The following JAK1 variants were observed in gnomAD, a reference collection of about 807,000 sequenced individuals.
JAK1 encodes Janus kinase 1, also known as tyrosine-protein kinase JAK1.
JAK1 carries 16 observed loss-of-function variants against 136.6 expected under a neutral mutation model. That is an observed-to-expected ratio of 0.12 (90% confidence interval 0.08 to 0.18). The LOEUF is 0.18. JAK1 is among the 10% of genes least tolerant of loss of function. The pLI is 1.00. For synonymous variants in JAK1, 492 were observed against 519.5 expected (o/e 0.95, Z 0.72); for missense variants, 859 against 1,450.1 (o/e 0.59, Z 6.62).
intron 1 of JAK1, among the ~76,000 whole-genome samples, chr1:65,061,310 G>A (rs1647781790): frequency 6.6e-6 from 1 of 152,118 alleles, no homozygotes; most frequent in South Asian, 2.1e-4. Context: ...GCTGAGGTGG[G>A]AGGATTGCTT....
chr1:64,914,442 T>C (rs994245516), intron 1 of JAK1, among the ~76,000 whole-genome samples: 34 of 152,180 alleles, frequency 2.2e-4, no homozygotes, highest in Non-Finnish European at 5.9e-5. Flanking sequence ...GGTTGTAAAG[T>C]CCCAAAACAA....
Position 64,951,006 on chromosome 1 carries a change from A to T in JAK1, c.-78+15327T>A, listed in dbSNP as rs76065478. On this transcript the variant is annotated intron_variant, in intron 1 of 24. Transcript: ENST00000342505. ...CTTAAAAGTATTACAAGATTTTATGATCATTGTGTGCTAATAACCCTTAAA... is the reference window on the plus strand; with the variant it reads ...CTTAAAAGTATTACAAGATTTTATGTTCATTGTGTGCTAATAACCCTTAAA... Among the ~76,000 whole-genome samples, 619 of 152,312 alleles carry T rather than the reference A, an allele frequency of 4.1e-3. 13 individuals are homozygous for T. In the South Asian group the frequency reaches 0.058, roughly 14 times the overall value.
intron 1 of JAK1, among the ~76,000 whole-genome samples, chr1:65,058,037 T>TC (rs1557779502): frequency 6.6e-6 from 1 of 152,190 alleles, no homozygotes; most frequent in East Asian, 1.9e-4. Context: ...GCTTTTTTTT[T>TC]CTCCCTGTAA....
At chr1:64,845,332 C>G (rs1183794962) in intron 15 of JAK1, among the ~76,000 whole-genome samples, 181 bp downstream of exon 15, 1 of 152,168 alleles carries the variant, frequency 6.6e-6, no homozygotes, top group African/African-American at 2.4e-5. Flanking sequence ...GCACAGGGAA[C>G]GGCCCCAAAC....
At chr1:64,926,859 A>G (rs1645591781) in intron 1 of JAK1, among the ~76,000 whole-genome samples, 1 of 152,186 alleles carries the variant, frequency 6.6e-6, no homozygotes, top group African/African-American at 2.4e-5. Context: ...CTGTAAAACA[A>G]TGATCGTAAC....
intron 1 of JAK1, among the ~76,000 whole-genome samples, chr1:64,913,641 G>GAGGAAGGAAGGAAAGAAGGA (rs1276972188): frequency 1.8e-5 from 1 of 56,884 alleles, no homozygotes; most frequent in East Asian, 7.5e-4. Flanking sequence ...GGGAGGAAGG[G>GAGGAAGGAAGGAAAGAAGGA]AGGAAGGAAG....
chr1:65,056,325 C>G (rs1042649032), intron 1 of JAK1, among the ~76,000 whole-genome samples: 1 of 152,188 alleles, frequency 6.6e-6, no homozygotes, highest in South Asian at 2.1e-4. Context: ...GAAAAAATAA[C>G]AGTTCTGGGC....
chr1:65,032,283 C>G (rs1251251348), intron 2 of JAK1, among the ~76,000 whole-genome samples: 1 of 152,074 alleles, frequency 6.6e-6, no homozygotes, highest in African/African-American at 2.4e-5. Context: ...TTCTTTGAAG[C>G]TTTGAATTAT....
At chr1:65,018,678 T>A (rs983993209) in intron 2 of JAK1, among the ~76,000 whole-genome samples, 2 of 152,120 alleles carry the variant, frequency 1.3e-5, no homozygotes, top group African/African-American at 4.8e-5. Context: ...AAAGATATTT[T>A]AAAAACATGA....
intron 2 of JAK1, among the ~76,000 whole-genome samples, chr1:64,885,169 A>T (rs1353960464): frequency 2.0e-5 from 3 of 152,222 alleles, no homozygotes; most frequent in Non-Finnish European, 4.4e-5. Flanking sequence ...TCTTCTGGAA[A>T]CCAGCCTGAA....
intron 2 of JAK1, among the ~76,000 whole-genome samples, chr1:65,018,795 G>T (rs1436442026): frequency 6.6e-6 from 1 of 152,136 alleles, no homozygotes; most frequent in Non-Finnish European, 1.5e-5. Flanking sequence ...CAGATCACGA[G>T]GTCAGGAGAC....
At chr1:64,905,856 A>G (rs901013141) in intron 1 of JAK1, among the ~76,000 whole-genome samples, 12 of 152,172 alleles carry the variant, frequency 7.9e-5, no homozygotes, top group African/African-American at 2.7e-4. Flanking sequence ...CAGCATTCTC[A>G]TTCTCAGAGG....
chr1:64,976,316 A>G (rs1181810195), intron 2 of JAK1, among the ~76,000 whole-genome samples: 1 of 152,218 alleles, frequency 6.6e-6, no homozygotes, highest in Non-Finnish European at 1.5e-5. Flanking sequence ...CCCCACAGTC[A>G]TGGACCCATG....
At chr1:65,049,519 G>C (rs928238594) in intron 1 of JAK1, among the ~76,000 whole-genome samples, 4 of 152,130 alleles carry the variant, frequency 2.6e-5, no homozygotes, top group African/African-American at 9.7e-5. Flanking sequence ...TTGGTCCCTA[G>C]AAGAACCACC....
At chr1:65,048,273 G>T (rs897406276) in intron 1 of JAK1, among the ~76,000 whole-genome samples, 43 of 152,292 alleles carry the variant, frequency 2.8e-4, no homozygotes, top group African/African-American at 8.4e-4. Context: ...CATTTTCCCT[G>T]CATTTGACCA....
intron 11 of JAK1, 96 bp from the exon 12 acceptor site, chr1:64,851,006 C>CG (rs1655556213): frequency 1.3e-6 from 1 of 778,928 alleles, no homozygotes; most frequent in Non-Finnish European, 2.3e-6. Flanking sequence ...GACCGGTGTG[C>CG]GGGCGCTTGC....
rs79479271 is a variant in JAK1, at chr1:64,853,404, G to C, written c.1648+2105C>G. The stretch of plus-strand genomic sequence containing the variant: ...ATCACTGGACTTGGAGTCAGACAAC[G>C]TGAGTTCAAATCCCCACTCATCCTC... On this transcript the variant is annotated intron_variant, in intron 11 of 24. Coordinates refer to ENST00000342505, the MANE Select transcript of JAK1 (RefSeq NM_002227.4). Among the ~76,000 whole-genome samples the C allele has an allele frequency of 4.7e-4, 72 of 152,314 alleles. 2 individuals are homozygous for C. The East Asian group carries it at 0.013, about 28-fold the overall frequency.
At chr1:65,019,123 A>G (rs182120720) in intron 2 of JAK1, among the ~76,000 whole-genome samples, 381 of 152,334 alleles carry the variant, frequency 2.5e-3, no homozygotes, top group Non-Finnish European at 4.4e-3. Flanking sequence ...AAATTCCAGG[A>G]CCAGAAGCCT....
At chr1:64,966,089 T>G (rs998497031) in intron 1 of JAK1, among the ~76,000 whole-genome samples, 3 of 151,736 alleles carry the variant, frequency 2.0e-5, no homozygotes, top group Non-Finnish European at 2.9e-5. Context: ...TTAACCGCTC[T>G]TCTCCCGGCC....
Sources: gnomAD v4.1 joint callset for allele counts (sites outside exome capture counted in the v4.1 genomes callset) on GRCh38, gnomAD v4.1.1 for gene constraint, MANE v1.5 for transcripts, NCBI Gene and HGNC (gene_info 2026-07-23, HGNC 2026-07-21) for gene names.